SNAP25: variants seen among roughly 807,000 people sequenced by gnomAD.
The protein encoded by SNAP25 is synaptosomal-associated protein 25.
In SNAP25, 3 loss-of-function variants were observed where a neutral mutation model predicts 28.7. The observed-to-expected ratio is 0.10, with a 90% confidence interval of 0.05 to 0.27. The LOEUF (loss-of-function observed/expected upper bound fraction) is 0.27, where lower values mean the gene tolerates loss of function less well. Among genes scored for constraint, SNAP25 ranks in the 10% least tolerant of loss-of-function variants. SNAP25 has a pLI of 1.00. For synonymous variants in SNAP25, 61 were observed against 88.1 expected, an observed-to-expected ratio of 0.69 and a Z score of 1.72; for missense variants, 117 against 278.7, an observed-to-expected ratio of 0.42 and a Z score of 4.13.
chr20:10,254,177 A>T (rs1183608244), intron 1 of SNAP25, among the ~76,000 whole-genome samples: 2 of 152,234 alleles, frequency 1.3e-5, no homozygotes, highest in Admixed American at 6.5e-5. Flanking sequence ...GATTTTACTC[A>T]TACAGAAAGT....
chr20:10,244,891 C>G (rs930795446), intron 1 of SNAP25, among the ~76,000 whole-genome samples: 2 of 151,974 alleles, frequency 1.3e-5, no homozygotes, highest in Non-Finnish European at 2.9e-5. Flanking sequence ...CCACCAAGCC[C>G]AGGTAATTTT....
chr20:10,236,716 G>A (rs570019359), intron 1 of SNAP25, among the ~76,000 whole-genome samples: 149 of 152,224 alleles, frequency 9.8e-4, no homozygotes, highest in African/African-American at 3.4e-3. Flanking sequence ...AAGCAACTGC[G>A]TGGAAGCCTC....
intron 4 of SNAP25, among the ~76,000 whole-genome samples, chr20:10,285,678 C>T (rs71334888): frequency 0.071 from 10,713 of 151,922 alleles, 513 homozygotes; most frequent in Non-Finnish European, 0.1. Context: ...GCATAAATCT[C>T]AAGCTGTGGG....
intron 3 of SNAP25, among the ~76,000 whole-genome samples, chr20:10,282,273 C>G (rs1783081053): frequency 6.6e-6 from 1 of 151,966 alleles, no homozygotes; most frequent in South Asian, 2.1e-4. Context: ...AGTGATTAAC[C>G]AACCACTCAA....
intron 7 of SNAP25, 122 bp downstream of exon 7, chr20:10,299,534 G>A (rs1039943085): frequency 3.1e-6 from 3 of 971,502 alleles, no homozygotes; most frequent in Non-Finnish European, 4.4e-6. Flanking sequence ...ACTGATAGCT[G>A]GAAATGTTCT....
intron 1 of SNAP25, among the ~76,000 whole-genome samples, chr20:10,245,763 C>T (rs363013): frequency 0.29 from 44,850 of 152,076 alleles, 6,991 homozygotes; most frequent in Middle Eastern, 0.41. Flanking sequence ...AATGAATCTA[C>T]AATTAGACTT....
In SNAP25 at chr20:10,271,088, T is replaced by G. The variant is rs371397702; in HGVS notation, c.-63-4341T>G. On this transcript the variant is annotated intron_variant, in intron 1 of 7. Transcript: ENST00000254976. ...TGAGTGGCTTTTCTTCCTAATTTCTTCTGCTTCCTAGTTTCCTCTTTCTAC... is the reference window on the plus strand; with the variant it reads ...TGAGTGGCTTTTCTTCCTAATTTCTGCTGCTTCCTAGTTTCCTCTTTCTAC... Among the ~76,000 whole-genome samples, 118 of 152,332 alleles carry G rather than the reference T, an allele frequency of 7.7e-4. 4 individuals carry two copies. In the South Asian group the frequency reaches 0.024, roughly 31 times the overall value.
intron 1 of SNAP25, among the ~76,000 whole-genome samples, chr20:10,240,082 C>G (rs1458675555): frequency 1.3e-5 from 2 of 152,180 alleles, no homozygotes; most frequent in Non-Finnish European, 2.9e-5. Flanking sequence ...AGCTAGGGCA[C>G]ATTTTCATCT....
At chr20:10,242,426 G>A (rs1309396311) in intron 1 of SNAP25, among the ~76,000 whole-genome samples, 1 of 152,186 alleles carries the variant, frequency 6.6e-6, no homozygotes, top group Non-Finnish European at 1.5e-5. Flanking sequence ...GGGTTCCTGT[G>A]TCTCAAGGGC....
At chr20:10,233,559 C>T (rs911414429) in intron 1 of SNAP25, among the ~76,000 whole-genome samples, 1 of 152,088 alleles carries the variant, frequency 6.6e-6, no homozygotes, top group South Asian at 2.1e-4. Flanking sequence ...GTCTCTGGTC[C>T]ATTGAGAAGG....
Position 10,292,926 on chromosome 20 carries a change from G to C in SNAP25, c.164-235G>C, listed in dbSNP as rs2064030941. The C allele has an allele frequency of 3.1e-6, 5 of 1,613,448 alleles. No individual in the cohort carries two copies. Among genetic ancestry groups the C allele is most frequent in the Non-Finnish European group, 4.2e-6 (5 of 1,179,860 alleles). On this transcript the variant is annotated intron_variant, in intron 4 of 7. Coordinates refer to ENST00000254976, the MANE Select transcript of SNAP25 (RefSeq NM_130811.4). The stretch of plus-strand genomic sequence containing the variant: ...AGAAGGCATGAACCATATCAACCAA[G>C]ACATGAAGGAGGCTGAGAAAAATTT...
At chr20:10,280,218 A>T (rs1403659736) in intron 3 of SNAP25, among the ~76,000 whole-genome samples, 2 of 152,208 alleles carry the variant, frequency 1.3e-5, no homozygotes, top group Non-Finnish European at 2.9e-5. Flanking sequence ...AACAGACTCC[A>T]GGGTGTAGCC....
rs1276289737 is a variant in SNAP25 at position 10,265,522 on chromosome 20, C to T, written c.-63-9907C>T. On this transcript the variant is annotated intron_variant, in intron 1 of 7. Transcript: ENST00000254976. ...TTGTTATTTGGGAGAGACAGAACAT[C>T]GTCAGTGTGCTTTTTCTAATAACTA... 3.9e-5 allele frequency among the ~76,000 whole-genome samples: 6 copies of T among 152,272 alleles called. No homozygotes were observed. In the Middle Eastern group the frequency reaches 0.01, roughly 259 times the overall value.
intron 1 of SNAP25, among the ~76,000 whole-genome samples, chr20:10,272,415 C>T (rs2063611741): frequency 6.6e-6 from 1 of 152,302 alleles, no homozygotes; most frequent in East Asian, 1.9e-4. Flanking sequence ...ACCCACTCCA[C>T]TGAACTATGG....
intron 1 of SNAP25, among the ~76,000 whole-genome samples, chr20:10,267,634 C>A (rs895604192): frequency 6.6e-6 from 1 of 152,312 alleles, no homozygotes; most frequent in Middle Eastern, 3.4e-3. Flanking sequence ...CTCACTACAA[C>A]CTCCGCCTCC....
At chr20:10,285,809 C>G (rs2063865738) in intron 4 of SNAP25, among the ~76,000 whole-genome samples, 1 of 152,108 alleles carries the variant, frequency 6.6e-6, no homozygotes, top group Non-Finnish European at 1.5e-5. Context: ...AAGACGTCAT[C>G]ACAGATGTAT....
chr20:10,286,397 G>A (rs927284870), intron 4 of SNAP25, among the ~76,000 whole-genome samples: 1 of 152,166 alleles, frequency 6.6e-6, no homozygotes, highest in Non-Finnish European at 1.5e-5. Context: ...GCAGGCAGAG[G>A]CAGCCTTCAG....
intron 1 of SNAP25, among the ~76,000 whole-genome samples, chr20:10,248,198 A>G (rs1009463730): frequency 6.6e-6 from 1 of 152,242 alleles, no homozygotes; most frequent in African/African-American, 2.4e-5. Flanking sequence ...ACAGAAGCCA[A>G]CAAAAAGTAT....
Position 10,306,299 on chromosome 20 carries a change from C to A in SNAP25, c.*102C>A. On this transcript the variant is annotated 3_prime_UTR_variant, in exon 8 of 8. Coordinates refer to ENST00000254976, the MANE Select transcript of SNAP25 (RefSeq NM_130811.4). ...GTAGGTCTGCACACATAACACACAT[C>A]AGTCCACCCCCATTGTGAATGTTGT... The A allele has an allele frequency of 1.0e-6, 1 of 978,208 alleles. No individual in the cohort carries two copies. Among genetic ancestry groups the A allele is most frequent in the Non-Finnish European group, 1.6e-6 (1 of 624,288 alleles). The allele number at this position is 978,208 out of a possible 1,614,324, so 60.6% of individuals were successfully genotyped here.
Sources: allele counts gnomAD v4.1 joint callset (sites outside exome capture counted in the v4.1 genomes callset), GRCh38; gene constraint gnomAD v4.1.1; transcripts MANE v1.5; gene names NCBI Gene and HGNC (gene_info 2026-07-23, HGNC 2026-07-21).